Variants in CRTAC1 observed in about 807,000 individuals in gnomAD.
CRTAC1 encodes the protein acidic secreted protein in cartilage.
In CRTAC1, 37 loss-of-function variants were observed where a neutral mutation model predicts 67.8. The observed-to-expected ratio is 0.55, with a 90% CI of 0.42 to 0.72. The LOEUF is 0.72. Among genes scored for constraint, CRTAC1 ranks in the 30% least tolerant of loss-of-function variants. CRTAC1 has a pLI of 0.00. For missense variants in CRTAC1, 780 were observed against 931.6 expected (o/e 0.84, Z 2.12); for synonymous variants, 348 against 371.0 (o/e 0.94, Z 0.71).
chr10:97,977,555 A>AT (rs1014341778), intron 2 of CRTAC1, among the ~76,000 whole-genome samples: 28 of 151,380 alleles, frequency 1.8e-4, no homozygotes, highest in East Asian at 1.9e-4. Flanking sequence ...GTCTATGCTG[A>AT]TTTTTTTTTC....
chr10:97,979,700 G>A (rs568027225), intron 2 of CRTAC1, among the ~76,000 whole-genome samples: 2 of 152,274 alleles, frequency 1.3e-5, no homozygotes, highest in South Asian at 4.2e-4. Context: ...GAATCACCTG[G>A]AGTGCTTTAA....
chr10:97,895,983 C>G lies in CRTAC1; in HGVS notation c.1219G>C (p.Gly407Arg). The G allele has an allele frequency of 6.2e-7, 1 of 1,613,664 alleles. No homozygotes were observed. Among genetic ancestry groups the G allele is most frequent in the Non-Finnish European group, 8.5e-7 (1 of 1,179,598 alleles). ...TCTCCGTCGAAGTCGGTCACCACAC[C>G]CCCTACAAACAATGCAGATTTCACC... Reference protein sequence around the residue: ...ALEPEGRGTGGVVTDFDGDGM... With the variant: ...ALEPEGRGTGRVVTDFDGDGM... The change falls in exon 10 of 15, where the codon GGT becomes CGT. Residue 407 changes from glycine to arginine, a missense_variant and splice_region_variant. By Grantham distance (125) the Gly-to-Arg change is moderately radical. Transcript: ENST00000370597. The surrounding 1 kb of genome is among the most constrained non-coding windows in gnomAD (Gnocchi z 4.2).
In CRTAC1 at chr10:97,865,540, A is replaced by G. The variant is rs1452359314; in HGVS notation, c.*8T>C. 1 of 1,601,424 alleles carries G rather than the reference A, an allele frequency of 6.2e-7. No homozygotes were observed. The highest frequency in any genetic ancestry group is 8.5e-7 in the Non-Finnish European group (1 of 1,170,958). On this transcript the variant is annotated 3_prime_UTR_variant, in exon 15 of 15. Transcript: ENST00000370597. ...GACTCCATCCGCTGGTTCATGTCCC[A>G]CCCCTGCTCAGCAGCTGGGCTCGCA... is the stretch of plus-strand genomic sequence containing the variant.
intron 1 of CRTAC1, among the ~76,000 whole-genome samples, chr10:98,028,266 G>A (rs1430510338): frequency 6.6e-6 from 1 of 152,232 alleles, no homozygotes; most frequent in East Asian, 1.9e-4. Context: ...GGTGGTTGAA[G>A]GCTGTAGCCT....
In CRTAC1 at chr10:98,027,072, C is replaced by A. The variant is rs555791924; in HGVS notation, c.24+3377G>T. 6.3e-3 allele frequency among the ~76,000 whole-genome samples: 955 copies of A among 151,588 alleles called. 4 individuals carry two copies. The highest frequency in any genetic ancestry group is 0.01 in the Non-Finnish European group (712 of 67,898). ...GTCCCAGCTACTCGGGAGGCTGAGG[C>A]AGGAGAATGGCGTGAACCCGGGAGG... On this transcript the variant is annotated intron_variant, in intron 1 of 14. Coordinates refer to ENST00000370597, the MANE Select transcript of CRTAC1 (RefSeq NM_018058.7).
chr10:98,004,946 C>G (rs1842754476), intron 2 of CRTAC1, among the ~76,000 whole-genome samples: 1 of 150,196 alleles, frequency 6.7e-6, no homozygotes, highest in African/African-American at 2.4e-5. Flanking sequence ...AAACCGGAAA[C>G]AGTTGTTACT....
chr10:97,884,466 T>A, intron 11 of CRTAC1, 115 bp from the exon 12 acceptor site: 1 of 984,306 alleles, frequency 1.0e-6, no homozygotes, highest in Non-Finnish European at 1.5e-6. Flanking sequence ...AGCACTGTTC[T>A]AAGTGCTAGG....
chr10:97,919,880 C>T (rs1050747608), intron 4 of CRTAC1, among the ~76,000 whole-genome samples: 4 of 149,748 alleles, frequency 2.7e-5, no homozygotes, highest in African/African-American at 7.4e-5. Flanking sequence ...GCTGGGACTA[C>T]AGGTGTGCCC....
chr10:98,000,431 G>C (rs964966840), intron 2 of CRTAC1, among the ~76,000 whole-genome samples: 2 of 152,206 alleles, frequency 1.3e-5, no homozygotes, highest in Non-Finnish European at 2.9e-5. Context: ...CAGAGAGCAG[G>C]CACCCATGCC....
chr10:97,967,946 G>A (rs761404997), intron 2 of CRTAC1, among the ~76,000 whole-genome samples: 7 of 152,256 alleles, frequency 4.6e-5, no homozygotes, highest in Non-Finnish European at 7.4e-5. Context: ...TTTGTCTTCC[G>A]TCTTTCAGGA....
At chr10:98,022,961 T>A (rs59516396) in intron 1 of CRTAC1, among the ~76,000 whole-genome samples, 5,573 of 152,170 alleles carry the variant, frequency 0.037, 346 homozygotes, top group African/African-American at 0.12. Context: ...GTTTTTTCCC[T>A]AAATAATTTA....
Position 98,024,332 on chromosome 10 carries a change from G to A in CRTAC1, c.24+6117C>T, listed in dbSNP as rs947798694. 2.0e-5 allele frequency among the ~76,000 whole-genome samples: 3 copies of A among 152,326 alleles called. No individual in the cohort carries two copies. The East Asian group carries it at 5.8e-4, about 29-fold the overall frequency. On this transcript the variant is annotated intron_variant, in intron 1 of 14. Transcript: ENST00000370597. ...GCTAATTAAAGTAATACGTCAAAATGTCCCTTGGAAGAGCTCTTTAAGAAT... is the reference window on the plus strand; with the variant it reads ...GCTAATTAAAGTAATACGTCAAAATATCCCTTGGAAGAGCTCTTTAAGAAT...
rs925280220 is a variant in CRTAC1, at chr10:97,997,582, A to C, written c.224+13556T>G. ...TGGTAATGAAAACAACTAAGAACACATTTAACACCCAAGGACTGCGGATAT... is the reference window on the plus strand; with the variant it reads ...TGGTAATGAAAACAACTAAGAACACCTTTAACACCCAAGGACTGCGGATAT... On this transcript the variant is annotated intron_variant, in intron 2 of 14. Transcript: ENST00000370597. 3.3e-5 allele frequency among the ~76,000 whole-genome samples: 5 copies of C among 152,210 alleles called. No individual in the cohort carries two copies. In the South Asian group the frequency reaches 8.3e-4, roughly 25 times the overall value.
At chr10:97,877,530 G>C (rs371527670) in intron 14 of CRTAC1, among the ~76,000 whole-genome samples, 1 of 152,058 alleles carries the variant, frequency 6.6e-6, no homozygotes, top group East Asian at 1.9e-4. Flanking sequence ...TAGTAGTAGG[G>C]GATCAACACA....
intron 1 of CRTAC1, among the ~76,000 whole-genome samples, chr10:98,011,685 G>C (rs1221678167): frequency 6.6e-6 from 1 of 152,154 alleles, no homozygotes; most frequent in African/African-American, 2.4e-5. Flanking sequence ...ACTTGGGCAA[G>C]GATCTCTGTT....
intron 2 of CRTAC1, among the ~76,000 whole-genome samples, chr10:97,944,368 G>A (rs991606625): frequency 3.3e-5 from 5 of 151,890 alleles, no homozygotes; most frequent in African/African-American, 1.2e-4. Context: ...GGAGGCAGAT[G>A]TTGCAGTAAG....
At chr10:97,967,570 T>C (rs2051639461) in intron 2 of CRTAC1, among the ~76,000 whole-genome samples, 2 of 152,200 alleles carry the variant, frequency 1.3e-5, no homozygotes, top group African/African-American at 4.8e-5. Context: ...AACCCATGTA[T>C]AGACATTTAT....
At chr10:97,949,691 G>A (rs73332585) in intron 2 of CRTAC1, among the ~76,000 whole-genome samples, 2,739 of 152,258 alleles carry the variant, frequency 0.018, 72 homozygotes, top group African/African-American at 0.062. Flanking sequence ...GCACTCAGCC[G>A]GGCAGTCAGA....
intron 2 of CRTAC1, among the ~76,000 whole-genome samples, chr10:97,943,614 A>C (rs1250172610): frequency 6.6e-6 from 1 of 152,274 alleles, no homozygotes; most frequent in African/African-American, 2.4e-5. Context: ...GTGACTTCTA[A>C]AGTCAAACAG....
Sources: gnomAD v4.1 joint callset for allele counts (sites outside exome capture counted in the v4.1 genomes callset) on GRCh38, gnomAD v4.1.1 for gene constraint, Gnocchi (gnomAD v3.1) non-coding constraint, MANE v1.5 for transcripts, NCBI Gene and HGNC (gene_info 2026-07-23, HGNC 2026-07-21) for gene names.